The following WEE2 variants were observed in gnomAD, a reference collection of about 807,000 sequenced individuals.
WEE2 encodes wee1-like protein kinase 2.
A neutral mutation model predicts 60.1 loss-of-function variants in WEE2; 50 were observed. That is an observed-to-expected ratio of 0.83 (90% CI 0.66 to 1.05). The LOEUF (loss-of-function observed/expected upper bound fraction) is 1.05, where lower values mean the gene tolerates loss of function less well. WEE2 is among the 50% of genes least tolerant of loss of function. WEE2 has a pLI of 0.00. For missense variants in WEE2, 631 were observed against 684.3 expected, an observed-to-expected ratio of 0.92 and a Z score of 0.87; for synonymous variants, 240 against 241.0, an observed-to-expected ratio of 1.00 and a Z score of 0.04.
At chr7:141,716,332 C>T in intron 3 of WEE2, 65 bp downstream of exon 3, 1 of 1,351,538 alleles carries the variant, frequency 7.4e-7, no homozygotes, top group Non-Finnish European at 1.0e-6. Flanking sequence ...TTCTCTTCTT[C>T]CCCTCCCCTT....
At chr7:141,719,699 G>A (rs12672225) in intron 4 of WEE2, among the ~76,000 whole-genome samples, 2 of 151,986 alleles carry the variant, frequency 1.3e-5, no homozygotes, top group Non-Finnish European at 2.9e-5. Flanking sequence ...TCTGCCTGCC[G>A]TGGCCTCCCA....
At position 141,724,017 on chromosome 7, in the gene WEE2, G is replaced by C. The variant is rs1391285697; in HGVS notation, c.1104G>C (p.Trp368Cys). 2.5e-6 allele frequency: 4 copies of C among 1,613,290 alleles called. No individual in the cohort carries two copies. In the African/African-American group the frequency reaches 4.0e-5, roughly 16 times the overall value. ...VIEEVENEAD[W>C]FLSANVMYKI... ...AAGAAGTTGAAAATGAAGCTGATTG[G>C]TTTCTCTCTGCCAATGTGATGTATA... The change falls in exon 7 of 12, where the codon TGG becomes TGC. Residue 368 changes from tryptophan to cysteine, a missense_variant. Trp to Cys is a radical substitution (Grantham distance 215, BLOSUM62 -2). Transcript: ENST00000397541.
At chr7:141,715,423 A>G (rs1798778393) in intron 2 of WEE2, among the ~76,000 whole-genome samples, 1 of 152,194 alleles carries the variant, frequency 6.6e-6, no homozygotes, top group Non-Finnish European at 1.5e-5. Context: ...AAGTATTACA[A>G]TGTGGTACTA....
intron 5 of WEE2, among the ~76,000 whole-genome samples, chr7:141,722,256 T>C (rs1157823207): frequency 6.6e-6 from 1 of 152,048 alleles, no homozygotes; most frequent in East Asian, 1.9e-4. Flanking sequence ...AATACAAAAA[T>C]TAGCCAGGTG....
intron 2 of WEE2, among the ~76,000 whole-genome samples, chr7:141,715,920 T>C (rs1798786334): frequency 6.6e-6 from 1 of 152,230 alleles, no homozygotes; most frequent in Non-Finnish European, 1.5e-5. Context: ...GTGTTTTACC[T>C]GCTGAAAACC....
In WEE2 at chr7:141,730,380, A is replaced by T; in HGVS notation, c.*60A>T. 1 of 1,485,914 alleles carries T rather than the reference A, an allele frequency of 6.7e-7. No homozygotes were observed. Among genetic ancestry groups the T allele is most frequent in the Non-Finnish European group, 9.4e-7 (1 of 1,068,792 alleles). 92.0% of individuals were successfully genotyped at this position (1,485,914 alleles called of 1,614,324 possible). On this transcript the variant is annotated 3_prime_UTR_variant, in exon 12 of 12. Transcript: ENST00000397541. ...ATGGATTACGAGGTTGCTGTTGCTGATTCCCCACCAAAGATCCCAGGGACT... is the reference window on the plus strand; with the variant it reads ...ATGGATTACGAGGTTGCTGTTGCTGTTTCCCCACCAAAGATCCCAGGGACT...
chr7:141,712,435 T>C, intron 1 of WEE2, among the ~76,000 whole-genome samples: 1 of 152,200 alleles, frequency 6.6e-6, no homozygotes, highest in African/African-American at 2.4e-5. Context: ...CTAGAGCACA[T>C]TTATACTCTC....
In WEE2 at chr7:141,723,183, T is replaced by C. The variant is rs375099191; in HGVS notation, c.930T>C (p.His310=). ...AISENTKSGN[H]FEEPKLKDIL... The stretch of plus-strand genomic sequence containing the variant: ...CTGAAAACACTAAGTCTGGCAATCA[T>C]TTTGAAGAGCCAAAACTCAAGGACA... The change falls in exon 6 of 12, where the codon CAT becomes CAC. Residue 310 remains histidine (H), a synonymous_variant. Transcript: ENST00000397541. The C allele has an allele frequency of 5.0e-6, 8 of 1,614,136 alleles. No homozygotes were observed. The highest frequency in any genetic ancestry group is 3.3e-5 in the Admixed American group (2 of 60,016).
chr7:141,720,753 A>G (rs1218648720), intron 4 of WEE2, 182 bp from the exon 5 acceptor site: 7 of 721,402 alleles, frequency 9.7e-6, no homozygotes, highest in Admixed American at 3.0e-5. Context: ...AACAGCCTTC[A>G]TTGTTTCCAC....
intron 3 of WEE2, among the ~76,000 whole-genome samples, chr7:141,717,686 G>A (rs1013974093): frequency 6.6e-6 from 1 of 152,166 alleles, no homozygotes; most frequent in Non-Finnish European, 1.5e-5. Context: ...TCTAGAAGTG[G>A]TTAGTAAATA....
chr7:141,727,077 A>G (rs1799030367), intron 9 of WEE2: 1 of 449,332 alleles, frequency 2.2e-6, no homozygotes, highest in African/African-American at 2.0e-5. Context: ...AGCCAGCTCC[A>G]AAATATGATT....
chr7:141,727,197 G>A (rs957197584), intron 9 of WEE2, 107 bp from the exon 10 acceptor site: 10 of 1,228,888 alleles, frequency 8.1e-6, no homozygotes, highest in Non-Finnish European at 1.1e-5. Flanking sequence ...CAGAAGCAAT[G>A]TCTTACAAAA....
In WEE2 at chr7:141,716,168, C is replaced by T. The variant is rs1253615654; in HGVS notation, c.540-54C>T. On this transcript the variant is annotated intron_variant, in intron 2 of 11. Transcript: ENST00000397541. ...TACATCCCTAGAACCTAGCATAGTTCGGCCTCAATAAATATTAATTATATA... is the reference window on the plus strand; with the variant it reads ...TACATCCCTAGAACCTAGCATAGTTTGGCCTCAATAAATATTAATTATATA... 7.9e-5 allele frequency: 114 copies of T among 1,440,370 alleles called. No homozygotes were observed. In the Admixed American group the frequency reaches 1.5e-3, roughly 19 times the overall value. The allele number at this position is 1,440,370 out of a possible 1,614,324, so 89.2% of individuals were successfully genotyped here. A position where few individuals can be genotyped will look rare whatever the true frequency, so the allele number is the denominator to read the frequency against.
At chr7:141,727,102 G>A (rs1799030944) in intron 9 of WEE2, 1 of 518,344 alleles carries the variant, frequency 1.9e-6, no homozygotes, top group Admixed American at 3.2e-5. Flanking sequence ...ACAAATCAAA[G>A]GTGTGGACAA....
At chr7:141,723,716 C>G (rs780698185) in intron 6 of WEE2, among the ~76,000 whole-genome samples, 1 of 151,836 alleles carries the variant, frequency 6.6e-6, no homozygotes, top group Non-Finnish European at 1.5e-5. Flanking sequence ...CCAGTCCCAT[C>G]AGAGAATGGA....
rs895959471 is a variant in WEE2, at chr7:141,729,763, T to C, written c.1678+90T>C. 2.8e-6 allele frequency: 4 copies of C among 1,444,414 alleles called. No homozygotes were observed. In the African/African-American group the frequency reaches 5.7e-5, roughly 21 times the overall value. 89.5% of individuals were successfully genotyped at this position (1,444,414 alleles called of 1,614,324 possible). A position where few individuals can be genotyped will look rare whatever the true frequency, so the allele number is the denominator to read the frequency against. On this transcript the variant is annotated intron_variant, in intron 11 of 11. Transcript: ENST00000397541. ...CAACACTTTGGGAGGCCAAGGCAGGTGGATCATGAGGTCAGGAGATCGAAA... is the reference window on the plus strand; with the variant it reads ...CAACACTTTGGGAGGCCAAGGCAGGCGGATCATGAGGTCAGGAGATCGAAA...
At position 141,724,260 on chromosome 7, in the gene WEE2, T is replaced by C. The variant is rs1226297422; in HGVS notation, c.1206T>C (p.Asn402=). 6.2e-7 allele frequency: 1 copy of C among 1,613,686 alleles called. No homozygotes were observed. ...VEEGDSRFLA[N]EILQEDYRHL... ...AAGGAGATAGTCGCTTCCTGGCTAATGAGATTTTGCAAGAGGTATAGATTA... is the reference window on the plus strand; with the variant it reads ...AAGGAGATAGTCGCTTCCTGGCTAACGAGATTTTGCAAGAGGTATAGATTA... Residue 402 remains asparagine, a synonymous_variant, in exon 8 of 12, where the codon AAT becomes AAC. Coordinates refer to ENST00000397541, the MANE Select transcript of WEE2 (RefSeq NM_001105558.1).
chr7:141,730,252 A>C, intron 11 of WEE2, 43 bp from the exon 12 acceptor site: 2 of 1,600,380 alleles, frequency 1.2e-6, no homozygotes, highest in Non-Finnish European at 1.7e-6. Context: ...TCCTAATGCC[A>C]CTGATCAATA....
At chr7:141,727,215 G>A in intron 9 of WEE2, 89 bp from the exon 10 acceptor site, 1 of 1,409,224 alleles carries the variant, frequency 7.1e-7, no homozygotes, top group Non-Finnish European at 9.7e-7. Flanking sequence ...AAATCCACCA[G>A]GAGAAGCTGG....
Sources: gnomAD v4.1 joint callset for allele counts (sites outside exome capture counted in the v4.1 genomes callset) on GRCh38, gnomAD v4.1.1 for gene constraint, MANE v1.5 for transcripts, NCBI Gene and HGNC (gene_info 2026-07-23, HGNC 2026-07-21) for gene names.